The following MAGEA9B variants were observed in gnomAD, a reference collection of about 807,000 sequenced individuals.
MAGEA9B encodes MAGE family member A9B, also known as melanoma-associated antigen 9.
chrX:149,583,678 G>A (rs1272840806), intron 1 of MAGEA9B, 45 bp from the exon 2 acceptor site: 1 of 147,422 alleles, frequency 6.8e-6, no homozygotes, highest in Non-Finnish European at 1.3e-5. Flanking sequence ...ACTGCAGGCA[G>A]AGCCCCGGTC....
Position 149,582,503 on chromosome X carries a change from A to AT in MAGEA9B, c.676_677insA (p.Val226AspfsTer39). Reference sequence around the variant, plus strand: ...CTCCTTCCCAACATACACCCCCATCACACTCAACGCTTCCCAGATAACCTC... The same window carrying AT: ...CTCCTTCCCAACATACACCCCCATCATCACTCAACGCTTCCCAGATAACCTC... On this transcript the variant is annotated frameshift_variant, in exon 4 of 4. Transcript: ENST00000595065. LOFTEE classifies it high-confidence loss of function. 2 of 285,740 alleles carry AT rather than the reference A, an allele frequency of 7.0e-6. No individual in the cohort carries two copies. Among genetic ancestry groups the AT allele is most frequent in the South Asian group, 8.7e-5 (2 of 23,010 alleles). 23.5% of individuals were successfully genotyped at this position (285,740 alleles called of 1,213,427 possible).
At position 149,582,125 on chromosome X, in the gene MAGEA9B, C is replaced by T. The variant is rs1213740555; in HGVS notation, c.*107G>A. ...CCACTGCCACTGAGAACACTGATTGCTCTCTTCAAACACAGAGCCAAGAAT... is the reference window on the plus strand; with the variant it reads ...CCACTGCCACTGAGAACACTGATTGTTCTCTTCAAACACAGAGCCAAGAAT... On this transcript the variant is annotated 3_prime_UTR_variant, in exon 4 of 4. Coordinates refer to ENST00000595065, the MANE Select transcript of MAGEA9B (RefSeq NM_001080790.1). The T allele has an allele frequency of 1.5e-6, 1 of 670,118 alleles. No individual in the cohort carries two copies. The highest frequency in any genetic ancestry group is 3.1e-5 in the Admixed American group (1 of 31,806). The allele number at this position is 670,118 out of a possible 1,213,427, so 55.2% of individuals were successfully genotyped here.
intron 1 of MAGEA9B, among the ~76,000 whole-genome samples, chrX:149,586,029 C>A (rs1278929438): frequency 9.4e-6 from 1 of 106,817 alleles, no homozygotes; most frequent in Admixed American, 9.7e-5. Flanking sequence ...GCAGATATCA[C>A]GATCCGCTTG....
chrX:149,586,841 C>T (rs1348236352), intron 1 of MAGEA9B: 28 of 9,046 alleles, frequency 3.1e-3, no homozygotes, highest in African/African-American at 0.011. Flanking sequence ...TTCCCTCCAC[C>T]GATATCGACC....
At position 149,581,786 on chromosome X, in the gene MAGEA9B, ATTTC is replaced by A. The variant is rs2089960840; in HGVS notation, c.*442_*445del. ...GAATTAACTACATTTTCATTTCACT[ATTTC>A]TTTATGAGCTCTATTTTGCTGCTAA... On this transcript the variant is annotated 3_prime_UTR_variant, in exon 4 of 4. Coordinates refer to ENST00000595065, the MANE Select transcript of MAGEA9B (RefSeq NM_001080790.1). 7.4e-6 allele frequency: 1 copy of A among 134,558 alleles called. No individual in the cohort carries two copies. Among genetic ancestry groups the A allele is most frequent in the Non-Finnish European group, 1.6e-5 (1 of 62,472 alleles). The allele number at this position is 134,558 out of a possible 1,213,427, so 11.1% of individuals were successfully genotyped here. A position where few individuals can be genotyped will look rare whatever the true frequency, so the allele number is the denominator to read the frequency against.
At position 149,582,494 on chromosome X, in the gene MAGEA9B, AC is replaced by A. The variant is rs1256111653; in HGVS notation, c.685del (p.Val229CysfsTer58). 2 of 288,067 alleles carry A rather than the reference AC, an allele frequency of 6.9e-6. No individual in the cohort carries two copies. Among genetic ancestry groups the A allele is most frequent in the Non-Finnish European group, 1.1e-5 (2 of 180,242 alleles). The allele number at this position is 288,067 out of a possible 1,213,427, so 23.7% of individuals were successfully genotyped here. A position where few individuals can be genotyped will look rare whatever the true frequency, so the allele number is the denominator to read the frequency against. On this transcript the variant is annotated frameshift_variant, in exon 4 of 4. Transcript: ENST00000595065. LOFTEE classifies it high-confidence loss of function. The stretch of plus-strand genomic sequence containing the variant: ...GAACATGTGCTCCTTCCCAACATAC[AC>A]CCCCATCACACTCAACGCTTCCCAG... Reference protein sequence around the residue: ...VIWEALSVMGVYVGKEHMFYG... With the variant: ...VIWEALSVMGXYVGKEHMFYG...
chrX:149,584,788 G>C (rs1220961523), intron 1 of MAGEA9B, among the ~76,000 whole-genome samples: 2 of 17,026 alleles, frequency 1.2e-4, no homozygotes. Context: ...GCCCCCCCCC[G>C]CCCCCAGATC....
At chrX:149,585,845 C>G (rs2089974104) in intron 1 of MAGEA9B, among the ~76,000 whole-genome samples, 1 of 113,993 alleles carries the variant, frequency 8.8e-6, no homozygotes, top group South Asian at 3.4e-4. Flanking sequence ...GTCGGATTCC[C>G]GAGGCTGAAT....
At chrX:149,586,003 TC>T in intron 1 of MAGEA9B, among the ~76,000 whole-genome samples, 1 of 104,435 alleles carries the variant, frequency 9.6e-6, no homozygotes, top group African/African-American at 3.5e-5. Flanking sequence ...GCCCCTTCCC[TC>T]GGTCAGCCCA....
Position 149,582,614 on chromosome X carries a change from AG to A in MAGEA9B, c.565del (p.Leu189TrpfsTer13). 1 of 205,102 alleles carries A rather than the reference AG, an allele frequency of 4.9e-6. No individual in the cohort carries two copies. Among genetic ancestry groups the A allele is most frequent in the African/African-American group, 3.3e-4 (1 of 3,043 alleles). 16.9% of individuals were successfully genotyped at this position (205,102 alleles called of 1,213,427 possible). A position where few individuals can be genotyped will look rare whatever the true frequency, so the allele number is the denominator to read the frequency against. On this transcript the variant is annotated frameshift_variant, in exon 4 of 4. Transcript: ENST00000595065. LOFTEE classifies it high-confidence loss of function. The stretch of plus-strand genomic sequence containing the variant: ...CTTGGGCATGCTATGACCATCACCC[AG>A]CATGCTATCGCACGAGAGGCCAAGA... ...TALGLSCDSMLGDGHSMPKAA... is the reference protein window; with the variant it reads ...TALGLSCDSMXGDGHSMPKAA...
chrX:149,582,609 C>CA lies in MAGEA9B; in HGVS notation c.570dup (p.Asp191Ter). The CA allele has an allele frequency of 4.7e-6, 1 of 210,717 alleles. No homozygotes were observed. Among genetic ancestry groups the CA allele is most frequent in the Non-Finnish European group, 7.6e-6 (1 of 132,449 alleles). 17.4% of individuals were successfully genotyped at this position (210,717 alleles called of 1,213,427 possible). On this transcript the variant is annotated frameshift_variant, in exon 4 of 4. Coordinates refer to ENST00000595065, the MANE Select transcript of MAGEA9B (RefSeq NM_001080790.1). LOFTEE classifies it high-confidence loss of function. Reference sequence around the variant, plus strand: ...GCGGCCTTGGGCATGCTATGACCATCACCCAGCATGCTATCGCACGAGAGG... The same window carrying CA: ...GCGGCCTTGGGCATGCTATGACCATCAACCCAGCATGCTATCGCACGAGAGG...
At chrX:149,586,557 G>C (rs1460228274) in intron 1 of MAGEA9B, among the ~76,000 whole-genome samples, 1 of 62,627 alleles carries the variant, frequency 1.6e-5, no homozygotes, top group Non-Finnish European at 3.4e-5. Context: ...GGGGTGGAGT[G>C]GGGGGGGGGT....
chrX:149,586,445 A>AC (rs1359499207), intron 1 of MAGEA9B, among the ~76,000 whole-genome samples: 3 of 79,611 alleles, frequency 3.8e-5, no homozygotes, highest in Non-Finnish European at 7.1e-5. Flanking sequence ...CTACTCTCTG[A>AC]CCCCCAGTGC....
chrX:149,583,722 CTT>C (rs1557351150), intron 1 of MAGEA9B, 89 bp from the exon 2 acceptor site: 1 of 138,096 alleles, frequency 7.2e-6, no homozygotes, highest in Non-Finnish European at 1.5e-5. Flanking sequence ...GCTGGACACT[CTT>C]GAGTTCTACA....
chrX:149,581,966 A>T lies in MAGEA9B; in HGVS notation c.*266T>A, dbSNP rs2089961551. ...TATGTGTGACTACTGTCATTCATTA[A>T]CTTCGATGGTGAAGTTCATTAAACT... On this transcript the variant is annotated 3_prime_UTR_variant, in exon 4 of 4. Coordinates refer to ENST00000595065, the MANE Select transcript of MAGEA9B (RefSeq NM_001080790.1). The T allele has an allele frequency of 1.0e-5, 1 of 99,983 alleles. No individual in the cohort carries two copies. Among genetic ancestry groups the T allele is most frequent in the South Asian group, 5.4e-4 (1 of 1,850 alleles). 8.2% of individuals were successfully genotyped at this position (99,983 alleles called of 1,213,427 possible).
chrX:149,586,226 GGGGTGGCGAA>G (rs2089976499), intron 1 of MAGEA9B, among the ~76,000 whole-genome samples: 1 of 107,554 alleles, frequency 9.3e-6, no homozygotes, highest in Non-Finnish European at 2.0e-5. Flanking sequence ...CTTAAGTGGT[GGGGTGGCGAA>G]GGGTGGCCCA....
chrX:149,586,627 T>G (rs1602845363), intron 1 of MAGEA9B, among the ~76,000 whole-genome samples: 2 of 52,299 alleles, frequency 3.8e-5, no homozygotes, highest in Admixed American at 1.8e-4. Flanking sequence ...GGGTTAGGGG[T>G]GTGGAGGCGT....
At chrX:149,586,569 A>C (rs1296537066) in intron 1 of MAGEA9B, among the ~76,000 whole-genome samples, 1 of 46,430 alleles carries the variant, frequency 2.2e-5, no homozygotes. Flanking sequence ...GGGGGGGGTG[A>C]GGATGGAGGT....
chrX:149,586,373 C>T (rs1407567037), intron 1 of MAGEA9B, among the ~76,000 whole-genome samples: 1 of 112,086 alleles, frequency 8.9e-6, no homozygotes, highest in Admixed American at 9.2e-5. Context: ...CTTGCCTCCT[C>T]ACAGAGCCTG....
Sources: allele counts gnomAD v4.1 joint callset (sites outside exome capture counted in the v4.1 genomes callset), GRCh38; gene constraint gnomAD v4.1.1; transcripts MANE v1.5; gene names NCBI Gene and HGNC (gene_info 2026-07-23, HGNC 2026-07-21).